The following MYL7 variants were observed in gnomAD, a reference collection of about 807,000 sequenced individuals.
MYL7 encodes myosin light chain 7, also known as myosin regulatory light chain 2, atrial isoform.
In MYL7, 27 loss-of-function variants were observed where a neutral mutation model predicts 22.5. The ratio of observed to expected loss-of-function variants is 1.20; its 90% CI spans 0.89 to 1.66. MYL7 has a LOEUF of 1.66. Among genes scored for constraint, MYL7 ranks in the 40% most tolerant of loss-of-function variants. MYL7 has a pLI of 0.00. For synonymous variants in MYL7, 81 were observed against 84.4 expected (o/e 0.96, Z 0.22); for missense variants, 209 against 226.8 (o/e 0.92, Z 0.50).
Position 44,141,279 on chromosome 7 carries a change from C to T in MYL7, c.3+24G>A, listed in dbSNP as rs759377363. On this transcript the variant is annotated intron_variant, in intron 1 of 6. Transcript: ENST00000223364. The stretch of plus-strand genomic sequence containing the variant: ...GGCCAGCACCTGGGAGACCGCTAGC[C>T]TTTCTTCCCCAGCAGGCACTCACCA... 5 of 1,614,124 alleles carry T rather than the reference C, an allele frequency of 3.1e-6. No individual in the cohort carries two copies. The Admixed American group carries it at 8.3e-5, about 27-fold the overall frequency.
intron 4 of MYL7, 31 bp from the exon 5 acceptor site, chr7:44,139,891 C>A: frequency 1.3e-6 from 2 of 1,578,910 alleles, no homozygotes; most frequent in Non-Finnish European, 1.7e-6. Flanking sequence ...GGTGAGCATC[C>A]ATGTCTCCAG....
intron 1 of MYL7, 111 bp from the exon 2 acceptor site, chr7:44,141,185 C>T (rs1173310124): frequency 6.3e-7 from 1 of 1,577,030 alleles, no homozygotes; most frequent in Non-Finnish European, 8.7e-7. Context: ...GGCCAGGATC[C>T]TCTTCCTCTC....
Position 44,140,953 on chromosome 7 carries a change from G to A in MYL7, c.117+8C>T. 6.2e-7 allele frequency: 1 copy of A among 1,611,106 alleles called. No homozygotes were observed. Among genetic ancestry groups the A allele is most frequent in the Non-Finnish European group, 8.5e-7 (1 of 1,177,536 alleles). On this transcript the variant is annotated splice_region_variant and intron_variant, in intron 2 of 6. Transcript: ENST00000223364. ...TGGGATCTGAGGCTACTGGGAGTGG[G>A]CACTCACTTCTTTGAACTCCTGTAT...
chr7:44,141,133 C>T, intron 1 of MYL7, 59 bp from the exon 2 acceptor site: 2 of 1,582,010 alleles, frequency 1.3e-6, no homozygotes, highest in Non-Finnish European at 1.7e-6. Context: ...CTCCCCACCC[C>T]ACCCATCATG....
In MYL7 at chr7:44,139,479, A is replaced by G. The variant is rs111268793; in HGVS notation, c.426+42T>C. 3.2e-5 allele frequency: 51 copies of G among 1,603,468 alleles called. No homozygotes were observed. In the African/African-American group the frequency reaches 3.9e-4, roughly 12 times the overall value. ...CTGGGTCATGGGTGAAGGCCCAGAG[A>G]AGGTGCTGGGGATGAGTATTGAAGG... On this transcript the variant is annotated intron_variant, in intron 6 of 6. Transcript: ENST00000223364.
chr7:44,140,635 C>T (rs1333188114), intron 3 of MYL7, 77 bp downstream of exon 3: 2 of 1,441,732 alleles, frequency 1.4e-6, no homozygotes, highest in East Asian at 2.4e-5. Context: ...AGAGTCCTGT[C>T]CCCCCAGCCA....
chr7:44,140,538 G>A, intron 3 of MYL7, 111 bp from the exon 4 acceptor site: 1 of 1,199,204 alleles, frequency 8.3e-7, no homozygotes, highest in Admixed American at 2.2e-5. Context: ...AGAGGCAGCT[G>A]TGGGTCGGGA....
rs767791352 is a variant in MYL7, at chr7:44,140,773, G to A, written c.132C>T (p.Ile44=). 7.4e-6 allele frequency: 12 copies of A among 1,612,948 alleles called. No homozygotes were observed. The East Asian group carries it at 8.9e-5, about 12-fold the overall frequency. ...AGATGATGCCATCACGATTCTGGTC[G>A]ATACAGCTGAAGGCCTGTGGGATGG... ...IQEFKEAFSC[I]DQNRDGIICK... Residue 44 remains isoleucine, a synonymous_variant, in exon 3 of 7, where the codon ATC becomes ATT. Transcript: ENST00000223364.
intron 3 of MYL7, 103 bp downstream of exon 3, chr7:44,140,608 AG>A (rs1200140549): frequency 2.4e-5 from 31 of 1,270,008 alleles, no homozygotes; most frequent in Non-Finnish European, 3.3e-5. Flanking sequence ...GACGGGGAGG[AG>A]GGGAAGCAGG....
chr7:44,140,228 G>A (rs2096263572), intron 4 of MYL7, 95 bp downstream of exon 4: 2 of 1,030,550 alleles, frequency 1.9e-6, no homozygotes, highest in Admixed American at 3.7e-5. Context: ...GTTCATGTAA[G>A]GTTCAGGTGG....
intron 2 of MYL7, 63 bp downstream of exon 2, chr7:44,140,898 T>A: frequency 7.9e-7 from 1 of 1,271,320 alleles, no homozygotes; most frequent in African/African-American, 2.1e-5. Flanking sequence ...AAGGGGGGTA[T>A]GTATGTGGGG....
chr7:44,140,412 G>T lies in MYL7; in HGVS notation c.209C>A (p.Pro70Gln), dbSNP rs1351047326. The change falls in exon 4 of 7, where the codon CCA (proline) becomes CAA (glutamine). Residue 70 changes from proline to glutamine, a missense_variant. Transcript: ENST00000223364. ...CAGCATGGCGTCCAGCTCCTCCTCT[G>T]GGACACTCACCTTCCCTGGTGGGGG... ...TYSQLGKVSV[P>Q]EEELDAMLQE... 6.2e-7 allele frequency: 1 copy of T among 1,613,594 alleles called. No individual in the cohort carries two copies. Among genetic ancestry groups the T allele is most frequent in the East Asian group, 2.2e-5 (1 of 44,862 alleles).
intron 5 of MYL7, 53 bp downstream of exon 5, chr7:44,139,729 C>A: frequency 6.2e-7 from 1 of 1,603,992 alleles, no homozygotes; most frequent in East Asian, 2.2e-5. Context: ...GGGGCCTCAC[C>A]CCGCTCTCTG....
chr7:44,140,068 T>A (rs1016110751), intron 4 of MYL7, among the ~76,000 whole-genome samples: 1 of 150,954 alleles, frequency 6.6e-6, no homozygotes, highest in Admixed American at 6.6e-5. Context: ...AATTTGGGGG[T>A]GGGGGCTGAA....
At position 44,139,511 on chromosome 7, in the gene MYL7, G is replaced by T; in HGVS notation, c.426+10C>A. 6.2e-7 allele frequency: 1 copy of T among 1,613,630 alleles called. No homozygotes were observed. Among genetic ancestry groups the T allele is most frequent in the Non-Finnish European group, 8.5e-7 (1 of 1,179,782 alleles). On this transcript the variant is annotated intron_variant, in intron 6 of 6. Coordinates refer to ENST00000223364, the MANE Select transcript of MYL7 (RefSeq NM_021223.3). ...TGGGGATGAGTATTGAAGGGGCTGG[G>T]CAGCCTCACCTCAGCTGGAGAGAAC... is the stretch of plus-strand genomic sequence containing the variant.
chr7:44,139,307 A>T, intron 6 of MYL7: 1 of 695,722 alleles, frequency 1.4e-6, no homozygotes, highest in South Asian at 1.6e-5. Flanking sequence ...ACTTCCCCCC[A>T]GGTCTGTGCA....
chr7:44,140,456 C>A, intron 3 of MYL7, 29 bp from the exon 4 acceptor site: 1 of 1,564,298 alleles, frequency 6.4e-7, no homozygotes, highest in South Asian at 1.1e-5. Context: ...GAGGTGCACA[C>A]AGGGACCCTG....
At position 44,141,323 on chromosome 7, in the gene MYL7, G is replaced by A; in HGVS notation, c.-18C>T. 1 of 1,611,704 alleles carries A rather than the reference G, an allele frequency of 6.2e-7. No individual in the cohort carries two copies. The highest frequency in any genetic ancestry group is 1.1e-5 in the South Asian group (1 of 90,728). On this transcript the variant is annotated 5_prime_UTR_variant, in exon 1 of 7. Transcript: ENST00000223364. ...CTCACCATTCTCTCTGCAGAGGTGT[G>A]GCTGCTGTCGTGGTGGCAGGGCCCA...
chr7:44,139,332 G>C (rs1477997147), intron 6 of MYL7, 189 bp downstream of exon 6: 2 of 749,884 alleles, frequency 2.7e-6, no homozygotes, highest in East Asian at 5.2e-5. Context: ...CTCCCTGCCT[G>C]GCGCACCCTG....
Sources: gnomAD v4.1 joint callset for allele counts (sites outside exome capture counted in the v4.1 genomes callset) on GRCh38, gnomAD v4.1.1 for gene constraint, MANE v1.5 for transcripts, NCBI Gene and HGNC (gene_info 2026-07-23, HGNC 2026-07-21) for gene names.